Variants in FAM227B observed in about 807,000 individuals in gnomAD.
FAM227B encodes family with sequence similarity 227 member B.
Under a neutral mutation model 73.8 loss-of-function variants are expected in FAM227B, and 88 were observed. The observed-to-expected ratio is 1.19, with a 90% confidence interval of 1.00 to 1.42. The LOEUF (loss-of-function observed/expected upper bound fraction) is 1.42. Ranked by LOEUF, FAM227B falls within the 40% of genes most tolerant of loss-of-function variation. FAM227B has a pLI of 0.00. For synonymous variants in FAM227B, 210 were observed against 190.5 expected (o/e 1.10, Z -0.84); for missense variants, 632 against 590.9 (o/e 1.07, Z -0.72).
At position 49,489,881 on chromosome 15, in the gene FAM227B, TATAGAGAGAGAG is replaced by T. The variant is rs1220293598; in HGVS notation, c.1012+18318_1012+18329del. 6.1e-3 allele frequency among the ~76,000 whole-genome samples: 100 copies of T among 16,484 alleles called. 7 individuals carry two copies. The highest frequency in any genetic ancestry group is 0.012 in the Non-Finnish European group (77 of 6,596). 10.8% of individuals were successfully genotyped at this position (16,484 alleles called of 152,430 possible). A position where few individuals can be genotyped will look rare whatever the true frequency, so the allele number is the denominator to read the frequency against. On this transcript the variant is annotated intron_variant, in intron 11 of 15. Coordinates refer to ENST00000299338, the MANE Select transcript of FAM227B (RefSeq NM_152647.3). ...TATTTTATATATATATATATATATATATAGAGAGAGAGAGAGAGAGAGAGAGAGAGAGACAGA... is the reference window on the plus strand; with the variant it reads ...TATTTTATATATATATATATATATATAGAGAGAGAGAGAGAGAGAGACAGA...
intron 1 of FAM227B, among the ~76,000 whole-genome samples, chr15:49,617,862 A>C (rs1218772969): frequency 1.3e-5 from 2 of 152,094 alleles, no homozygotes; most frequent in African/African-American, 4.8e-5. Context: ...AACAAAAAAA[A>C]CACAAAATAT....
chr15:49,419,046 TG>T (rs765139546), intron 11 of FAM227B, among the ~76,000 whole-genome samples: 2 of 152,198 alleles, frequency 1.3e-5, no homozygotes, highest in African/African-American at 2.4e-5. Context: ...ATTCCTCTTC[TG>T]GGGTATTCAT....
intron 5 of FAM227B, among the ~76,000 whole-genome samples, chr15:49,579,767 T>C (rs779475390): frequency 9.5e-4 from 145 of 152,218 alleles, no homozygotes; most frequent in Non-Finnish European, 1.3e-3. Context: ...CAATGTATTG[T>C]ATATTTCAAA....
chr15:49,491,636 C>T (rs1302507228), intron 11 of FAM227B, among the ~76,000 whole-genome samples: 2 of 151,774 alleles, frequency 1.3e-5, no homozygotes, highest in East Asian at 1.9e-4. Flanking sequence ...CCCAAACTTG[C>T]CCCTGCCTTA....
At chr15:49,508,116 CA>C in intron 11 of FAM227B, 94 bp downstream of exon 11, 1 of 1,370,128 alleles carries the variant, frequency 7.3e-7, no homozygotes, top group Non-Finnish European at 9.9e-7. Flanking sequence ...AGGCCCTCAC[CA>C]AAAACATAAA....
chr15:49,515,455 A>G (rs1348877786), intron 10 of FAM227B, among the ~76,000 whole-genome samples: 2 of 152,098 alleles, frequency 1.3e-5, no homozygotes, highest in Non-Finnish European at 2.9e-5. Flanking sequence ...CTTACCTGAA[A>G]CTGATTCTGT....
At chr15:49,370,525 G>C (rs925508023) in intron 12 of FAM227B, among the ~76,000 whole-genome samples, 1 of 152,156 alleles carries the variant, frequency 6.6e-6, no homozygotes, top group African/African-American at 2.4e-5. Context: ...CACTGTGAAG[G>C]TCAGAATAAA....
intron 10 of FAM227B, among the ~76,000 whole-genome samples, chr15:49,536,386 G>T (rs2070274663): frequency 6.6e-6 from 1 of 151,786 alleles, no homozygotes; most frequent in African/African-American, 2.4e-5. Flanking sequence ...TCTGCAGACT[G>T]AACACTGTAA....
At chr15:49,420,041 T>G (rs374323729) in intron 11 of FAM227B, among the ~76,000 whole-genome samples, 1 of 152,218 alleles carries the variant, frequency 6.6e-6, no homozygotes, top group Non-Finnish European at 1.5e-5. Flanking sequence ...GTTTTCACAA[T>G]AAATTTTTTG....
chr15:49,546,533 C>T (rs2071917769), intron 9 of FAM227B, among the ~76,000 whole-genome samples: 1 of 152,202 alleles, frequency 6.6e-6, no homozygotes. Context: ...GGAATCACCA[C>T]ACTGACTTCC....
intron 9 of FAM227B, among the ~76,000 whole-genome samples, chr15:49,542,583 T>C (rs1217324030): frequency 2.0e-5 from 3 of 151,602 alleles, no homozygotes; most frequent in Admixed American, 6.6e-5. Context: ...AGTGAGACCA[T>C]ATGATGTTTG....
intron 11 of FAM227B, among the ~76,000 whole-genome samples, chr15:49,470,230 C>T (rs938607295): frequency 7.7e-6 from 1 of 129,316 alleles, no homozygotes; most frequent in Admixed American, 8.5e-5. Flanking sequence ...CTTTAAGTGG[C>T]ACCTTATAAT....
intron 11 of FAM227B, among the ~76,000 whole-genome samples, chr15:49,378,620 T>A (rs1329458129): frequency 1.3e-5 from 2 of 152,192 alleles, no homozygotes; most frequent in Non-Finnish European, 2.9e-5. Context: ...ACCGTTGGCA[T>A]ATAGATGTGC....
At chr15:49,404,631 CCTTTA>C (rs1488932555) in intron 11 of FAM227B, among the ~76,000 whole-genome samples, 3 of 151,672 alleles carry the variant, frequency 2.0e-5, no homozygotes, top group Non-Finnish European at 2.9e-5. Context: ...TTTCTCCATC[CCTTTA>C]CTTTAAGACT....
rs989421537 is a variant in FAM227B, at chr15:49,396,752, G to A, written c.1013-25353C>T. Among the ~76,000 whole-genome samples the A allele has an allele frequency of 2.2e-3, 327 of 146,194 alleles. 3 individuals carry two copies. The highest frequency in any genetic ancestry group is 3.4e-3 in the Non-Finnish European group (223 of 64,648). On this transcript the variant is annotated intron_variant, in intron 11 of 15. Transcript: ENST00000299338. The stretch of plus-strand genomic sequence containing the variant: ...GCAGGGGCACACTGACACCTCACAC[G>A]GCAGGGTACTCCAACAGACCTGCGG...
chr15:49,421,595 G>A (rs1306506561), intron 11 of FAM227B, among the ~76,000 whole-genome samples: 1 of 152,198 alleles, frequency 6.6e-6, no homozygotes, highest in Non-Finnish European at 1.5e-5. Context: ...GTTAGCAAAT[G>A]TGGACTTCTC....
chr15:49,464,585 T>C (rs1477386780), intron 11 of FAM227B, among the ~76,000 whole-genome samples: 1 of 152,188 alleles, frequency 6.6e-6, no homozygotes, highest in East Asian at 1.9e-4. Flanking sequence ...AATTTTGTAA[T>C]AAAATTTAAA....
Position 49,476,776 on chromosome 15 carries a change from T to C in FAM227B, c.1012+31435A>G, listed in dbSNP as rs565530790. 2.4e-3 allele frequency among the ~76,000 whole-genome samples: 366 copies of C among 152,228 alleles called. 1 individual carries two copies. The highest frequency in any genetic ancestry group is 8.5e-3 in the African/African-American group (354 of 41,546). On this transcript the variant is annotated intron_variant, in intron 11 of 15. Transcript: ENST00000299338. ...AGATTTACAAAAAAAATTGAGCAGATAGGCCAGGCGTGGTGGCTCACGCCT... is the reference window on the plus strand; with the variant it reads ...AGATTTACAAAAAAAATTGAGCAGACAGGCCAGGCGTGGTGGCTCACGCCT...
rs1285212333 is a variant in FAM227B at position 49,600,115 on chromosome 15, T to C, written c.106-10108A>G. 2.0e-5 allele frequency among the ~76,000 whole-genome samples: 3 copies of C among 152,182 alleles called. No homozygotes were observed. In the East Asian group the frequency reaches 5.8e-4, roughly 29 times the overall value. ...ACACTGGGTGCATATATATTTACAA[T>C]TGTTAGACACTCTTTGCAAATTGAC... is the stretch of plus-strand genomic sequence containing the variant. On this transcript the variant is annotated intron_variant, in intron 3 of 15. Transcript: ENST00000299338.
Sources: gnomAD v4.1 joint callset for allele counts (sites outside exome capture counted in the v4.1 genomes callset) on GRCh38, gnomAD v4.1.1 for gene constraint, MANE v1.5 for transcripts, NCBI Gene and HGNC (gene_info 2026-07-23, HGNC 2026-07-21) for gene names.